FILIP1L: variants seen among roughly 807,000 people sequenced by gnomAD.
FILIP1L encodes the protein filamin A interacting protein 1 like, also known as filamin A-interacting protein 1-like.
A neutral mutation model predicts 96.6 loss-of-function variants in FILIP1L; 55 were observed. That is an observed-to-expected ratio of 0.57 (90% CI 0.46 to 0.71). FILIP1L has a LOEUF of 0.71. FILIP1L is among the 30% of genes least tolerant of loss of function. FILIP1L has a pLI of 0.00. For synonymous variants in FILIP1L, 467 were observed against 473.9 expected, an observed-to-expected ratio of 0.99 and a Z score of 0.19; for missense variants, 1,304 against 1,321.2, an observed-to-expected ratio of 0.99 and a Z score of 0.20.
chr3:100,101,971 T>C (rs1358443074), intron 1 of FILIP1L, among the ~76,000 whole-genome samples: 1 of 152,216 alleles, frequency 6.6e-6, no homozygotes, highest in African/African-American at 2.4e-5. Context: ...TATGGCTGCA[T>C]AGTATTCCAT....
chr3:99,904,896 T>C (rs1018315197), intron 4 of FILIP1L, among the ~76,000 whole-genome samples: 2 of 152,194 alleles, frequency 1.3e-5, no homozygotes, highest in Non-Finnish European at 2.9e-5. Flanking sequence ...TATTACACTC[T>C]TTACGTCTAC....
At chr3:99,917,514 A>T (rs1559687194) in intron 4 of FILIP1L, among the ~76,000 whole-genome samples, 1 of 152,024 alleles carries the variant, frequency 6.6e-6, no homozygotes, top group Non-Finnish European at 1.5e-5. Flanking sequence ...ACTTTTTTTT[A>T]TCTTGGGCTT....
At position 99,849,653 on chromosome 3, in the gene FILIP1L, T is replaced by C. The variant is rs758684365; in HGVS notation, c.2023A>G (p.Lys675Glu). The C allele has an allele frequency of 3.3e-5, 53 of 1,613,224 alleles. No individual in the cohort carries two copies. The highest frequency in any genetic ancestry group is 4.3e-5 in the Non-Finnish European group (51 of 1,179,932). Residue 675 changes from lysine (K) to glutamate (E), a missense_variant, in exon 5 of 6, where the codon AAA becomes GAA. By Grantham distance (56) the Lys-to-Glu change is moderately conservative (BLOSUM62 1). Coordinates refer to ENST00000477258, the MANE Select transcript of FILIP1L (RefSeq NM_001387850.1). ...NERDKAQFLS[K>E]ELEHVKMELA... ...TCCATTTTAACATGTTCTAGCTCTT[T>C]AGATAAAAATTGAGCTTTGTCTCGT... is the stretch of plus-strand genomic sequence containing the variant.
rs1330814447 is a variant in FILIP1L, at chr3:99,850,965, A to G, written c.711T>C (p.Ser237=). ...GTTCATCCACCACCATCAAAGCAAAAGACTTCAGCTTGGTCAGCTCCTCTT... is the reference window on the plus strand; with the variant it reads ...GTTCATCCACCACCATCAAAGCAAAGGACTTCAGCTTGGTCAGCTCCTCTT... ...TLKEELTKLK[S]FALMVVDEQQ... The change falls in exon 5 of 6, where the codon TCT becomes TCC. Residue 237 remains serine, a synonymous_variant. Transcript: ENST00000477258. The G allele has an allele frequency of 3.7e-6, 6 of 1,614,026 alleles. No homozygotes were observed. Among genetic ancestry groups the G allele is most frequent in the Non-Finnish European group, 5.1e-6 (6 of 1,180,038 alleles).
chr3:99,832,141 T>C (rs1282251368), intron 5 of FILIP1L, among the ~76,000 whole-genome samples: 6 of 152,122 alleles, frequency 3.9e-5, no homozygotes, highest in African/African-American at 4.8e-5. Flanking sequence ...GTTTTCTAGG[T>C]AACTCCATTT....
chr3:99,942,620 T>C (rs1014802618), intron 1 of FILIP1L, among the ~76,000 whole-genome samples: 1 of 152,052 alleles, frequency 6.6e-6, no homozygotes, highest in Admixed American at 6.5e-5. Flanking sequence ...TCACCTGAGG[T>C]CAGGAGTTCA....
chr3:99,994,028 G>C (rs1207891163), intron 1 of FILIP1L, among the ~76,000 whole-genome samples: 1 of 152,142 alleles, frequency 6.6e-6, no homozygotes, highest in Non-Finnish European at 1.5e-5. Context: ...TTTTTGGACA[G>C]TTTCAGGAGT....
At chr3:99,978,408 A>T (rs1426660369) in intron 1 of FILIP1L, among the ~76,000 whole-genome samples, 1 of 152,194 alleles carries the variant, frequency 6.6e-6, no homozygotes, top group Non-Finnish European at 1.5e-5. Context: ...AGATGAATGG[A>T]TAAAGAAAAT....
chr3:99,922,770 C>T (rs1361170622), intron 4 of FILIP1L, among the ~76,000 whole-genome samples: 1 of 152,172 alleles, frequency 6.6e-6, no homozygotes, highest in Non-Finnish European at 1.5e-5. Flanking sequence ...AAATAATCTA[C>T]CCTACATATG....
chr3:100,082,138 T>TTTC (rs2065941900), intron 1 of FILIP1L, among the ~76,000 whole-genome samples: 1 of 152,048 alleles, frequency 6.6e-6, no homozygotes, highest in African/African-American at 2.4e-5. Flanking sequence ...AATTGCAAAA[T>TTTC]ACAAACAACT....
At chr3:99,907,967 C>T (rs1706675564) in intron 4 of FILIP1L, among the ~76,000 whole-genome samples, 1 of 152,196 alleles carries the variant, frequency 6.6e-6, no homozygotes, top group Non-Finnish European at 1.5e-5. Flanking sequence ...AATAAATGAA[C>T]TAGATGATAA....
chr3:100,109,903 A>ACCC (rs35074224), intron 1 of FILIP1L: 1 of 72,322 alleles, frequency 1.4e-5, no homozygotes, highest in African/African-American at 5.7e-5. Context: ...TTCTTTTATG[A>ACCC]CCCCCCCCCC....
At chr3:99,967,170 G>T (rs184552672) in intron 1 of FILIP1L, among the ~76,000 whole-genome samples, 42 of 152,286 alleles carry the variant, frequency 2.8e-4, no homozygotes, top group African/African-American at 1.0e-3. Flanking sequence ...ATAAGCAAAG[G>T]ACTCTTGGAA....
At chr3:99,933,588 A>G (rs1707560820) in intron 1 of FILIP1L, among the ~76,000 whole-genome samples, 1 of 152,162 alleles carries the variant, frequency 6.6e-6, no homozygotes, top group South Asian at 2.1e-4. Flanking sequence ...CCCCTATTGT[A>G]TTTTCTTGAA....
At chr3:99,845,280 A>G (rs1162291307) in intron 5 of FILIP1L, among the ~76,000 whole-genome samples, 2 of 152,232 alleles carry the variant, frequency 1.3e-5, no homozygotes, top group Admixed American at 6.5e-5. Flanking sequence ...GCTTTTAAAT[A>G]GAAAAAACAT....
At chr3:99,919,331 G>T in intron 4 of FILIP1L, among the ~76,000 whole-genome samples, 1 of 151,060 alleles carries the variant, frequency 6.6e-6, no homozygotes, top group East Asian at 1.9e-4. Flanking sequence ...AGGTCTTAAA[G>T]CCTGCAGTGG....
chr3:99,901,482 G>A (rs1285359233), intron 4 of FILIP1L, among the ~76,000 whole-genome samples: 1 of 152,194 alleles, frequency 6.6e-6, no homozygotes, highest in Admixed American at 6.5e-5. Flanking sequence ...AAATGCCTCA[G>A]AATGAAACTG....
chr3:100,051,691 C>A (rs1458316683), intron 1 of FILIP1L, among the ~76,000 whole-genome samples: 4 of 151,628 alleles, frequency 2.6e-5, no homozygotes, highest in Non-Finnish European at 4.4e-5. Context: ...TGAACTCATC[C>A]TTTTTATGGC....
chr3:99,993,308 T>C (rs958915915), intron 1 of FILIP1L, among the ~76,000 whole-genome samples: 65 of 152,258 alleles, frequency 4.3e-4, no homozygotes, highest in African/African-American at 1.4e-3. Context: ...GTTTATGTCA[T>C]CTACAACTTC....
Sources: allele counts gnomAD v4.1 joint callset (sites outside exome capture counted in the v4.1 genomes callset), GRCh38; gene constraint gnomAD v4.1.1; transcripts MANE v1.5; gene names NCBI Gene and HGNC (gene_info 2026-07-23, HGNC 2026-07-21).